KALRN: variants seen among roughly 807,000 people sequenced by gnomAD.
KALRN encodes kalirin RhoGEF kinase.
KALRN carries 70 observed loss-of-function variants against 353.7 expected under a neutral mutation model. The ratio of observed to expected loss-of-function variants is 0.20; its 90% CI spans 0.16 to 0.24. The LOEUF (loss-of-function observed/expected upper bound fraction) is 0.24. Among genes scored for constraint, KALRN ranks in the 10% least tolerant of loss-of-function variants. The pLI is 1.00. For synonymous variants in KALRN, 1,391 were observed against 1,434.8 expected, an observed-to-expected ratio of 0.97 and a Z score of 0.69; for missense variants, 2,791 against 3,756.7, an observed-to-expected ratio of 0.74 and a Z score of 6.72.
chr3:124,129,445 T>C (rs976879448), intron 1 of KALRN, among the ~76,000 whole-genome samples: 1 of 152,210 alleles, frequency 6.6e-6, no homozygotes, highest in East Asian at 1.9e-4. Context: ...CTTCTCACTT[T>C]ACCCACCCAA....
Position 124,183,920 on chromosome 3 carries a change from T to C in KALRN, c.74-44070T>C, listed in dbSNP as rs186364592. On this transcript the variant is annotated intron_variant, in intron 1 of 59. Transcript: ENST00000682506. ...AGATGGACCTGCTCCTTCAGAATCCTATAGGTCAAGAGAGATACAAACAAA... is the reference window on the plus strand; with the variant it reads ...AGATGGACCTGCTCCTTCAGAATCCCATAGGTCAAGAGAGATACAAACAAA... Among the ~76,000 whole-genome samples, 21 of 152,322 alleles carry C rather than the reference T, an allele frequency of 1.4e-4. No individual in the cohort carries two copies. The East Asian group carries it at 3.9e-3, about 28-fold the overall frequency.
At chr3:124,384,279 C>A (rs1260580608) in intron 10 of KALRN, among the ~76,000 whole-genome samples, 1 of 152,192 alleles carries the variant, frequency 6.6e-6, no homozygotes, top group Non-Finnish European at 1.5e-5. Flanking sequence ...AGGGAGTAGC[C>A]TGCATCTCCT....
intron 1 of KALRN, among the ~76,000 whole-genome samples, chr3:124,036,281 T>C (rs2039412046): frequency 6.6e-6 from 1 of 152,152 alleles, no homozygotes; most frequent in Non-Finnish European, 1.5e-5. Context: ...GTGTTTTCAT[T>C]GTTTAACTCT....
intron 9 of KALRN, among the ~76,000 whole-genome samples, chr3:124,337,628 G>C (rs577813696): frequency 1.3e-5 from 2 of 152,150 alleles, no homozygotes; most frequent in Non-Finnish European, 2.9e-5. Flanking sequence ...TCTCCGACAG[G>C]GTTTGGTATC....
Position 124,366,341 on chromosome 3 carries a change from G to A in KALRN, c.1771-18504G>A, listed in dbSNP as rs565827145. Among the ~76,000 whole-genome samples, 10 of 147,054 alleles carry A rather than the reference G, an allele frequency of 6.8e-5. No individual in the cohort carries two copies. In the East Asian group the frequency reaches 2.0e-3, roughly 29 times the overall value. ...AAGGTCTCTGGTTTTCCTAGGCAGA[G>A]GACCCTGCGGCCTTCCGCAGTGTTT... On this transcript the variant is annotated intron_variant, in intron 10 of 59. Transcript: ENST00000682506.
intron 1 of KALRN, among the ~76,000 whole-genome samples, chr3:124,145,417 A>T (rs1920615): frequency 0.28 from 42,255 of 152,092 alleles, 6,440 homozygotes; most frequent in East Asian, 0.47. Context: ...TGGGTCTGAG[A>T]TGTAGGAGTG....
At chr3:124,221,035 C>T (rs927219477) in intron 1 of KALRN, among the ~76,000 whole-genome samples, 13 of 152,326 alleles carry the variant, frequency 8.5e-5, no homozygotes, top group Admixed American at 7.2e-4. Flanking sequence ...TCGGAGTCTC[C>T]GAAGGCACTT....
chr3:124,254,148 G>A (rs2071570071), intron 3 of KALRN, among the ~76,000 whole-genome samples: 1 of 152,096 alleles, frequency 6.6e-6, no homozygotes. Context: ...GATACCCTGG[G>A]CCTCCAAGCC....
intron 25 of KALRN, among the ~76,000 whole-genome samples, chr3:124,470,364 G>A (rs2060764375): frequency 1.3e-5 from 2 of 152,128 alleles, no homozygotes; most frequent in Non-Finnish European, 2.9e-5. Context: ...GAAGTAAGTA[G>A]AATAATATGG....
chr3:124,192,335 T>C (rs1276633331), intron 1 of KALRN, among the ~76,000 whole-genome samples: 1 of 151,744 alleles, frequency 6.6e-6, no homozygotes, highest in African/African-American at 2.4e-5. Context: ...ACAATTAAAC[T>C]CATGAACATA....
chr3:124,226,149 C>T (rs2078476336), intron 1 of KALRN, among the ~76,000 whole-genome samples: 1 of 152,122 alleles, frequency 6.6e-6, no homozygotes, highest in Non-Finnish European at 1.5e-5. Flanking sequence ...CCTTGTCTAA[C>T]AGATAAAGCC....
rs978545608 is a variant in KALRN at position 124,722,435 on chromosome 3, A to G, written c.*2965A>G. The G allele has an allele frequency of 6.6e-6, 1 of 152,150 alleles. No homozygotes were observed. Among genetic ancestry groups the G allele is most frequent in the Non-Finnish European group, 1.5e-5 (1 of 68,038 alleles). The allele number at this position is 152,150 out of a possible 1,614,324, so 9.4% of individuals were successfully genotyped here. On this transcript the variant is annotated 3_prime_UTR_variant, in exon 60 of 60. Coordinates refer to ENST00000682506, the MANE Select transcript of KALRN (RefSeq NM_001388419.1). ...CATTAGACTAGAATGAACTTAATAGAGGCCCCAAGAGAAAGGGGGTATATT... is the reference window on the plus strand; with the variant it reads ...CATTAGACTAGAATGAACTTAATAGGGGCCCCAAGAGAAAGGGGGTATATT...
intron 1 of KALRN, among the ~76,000 whole-genome samples, chr3:124,150,928 G>A (rs1035961612): frequency 2.0e-5 from 3 of 152,124 alleles, no homozygotes; most frequent in African/African-American, 7.2e-5. Context: ...AGATTAGTTT[G>A]CCTGTTTTGA....
In KALRN at chr3:124,218,394, C is replaced by G. The variant is rs547939899; in HGVS notation, c.74-9596C>G. 4.6e-5 allele frequency among the ~76,000 whole-genome samples: 7 copies of G among 152,294 alleles called. No homozygotes were observed. The South Asian group carries it at 1.4e-3, about 32-fold the overall frequency. On this transcript the variant is annotated intron_variant, in intron 1 of 59. Transcript: ENST00000682506. ...ACAGCACACACCTTCTGCCCCTCGG[C>G]GCCTTTGTAACTCTCTCCAAATATA...
chr3:124,449,570 T>TTTTTCATTTTTTAC (rs1467763213), intron 21 of KALRN, among the ~76,000 whole-genome samples: 2 of 152,232 alleles, frequency 1.3e-5, no homozygotes, highest in Non-Finnish European at 2.9e-5. Flanking sequence ...GATTATCTTG[T>TTTTTCATTTTTTAC]TTTTCATTTT....
intron 57 of KALRN, among the ~76,000 whole-genome samples, chr3:124,706,730 C>T (rs928928248): frequency 2.0e-5 from 3 of 151,836 alleles, no homozygotes; most frequent in Admixed American, 1.3e-4. Context: ...CCACCATGCC[C>T]GGCTAATTTT....
intron 3 of KALRN, 26 bp downstream of exon 3, chr3:124,234,969 G>A (rs2079573499): frequency 6.5e-7 from 1 of 1,542,894 alleles, no homozygotes; most frequent in Non-Finnish European, 8.9e-7. Context: ...ATGGCCTGCA[G>A]GGGAGCGGGA....
intron 28 of KALRN, among the ~76,000 whole-genome samples, chr3:124,484,221 A>C (rs1005306253): frequency 2.6e-5 from 4 of 152,214 alleles, no homozygotes; most frequent in African/African-American, 9.7e-5. Context: ...CAGCCCATGG[A>C]ATCTCCCTGG....
chr3:124,265,221 T>G (rs966039181), intron 4 of KALRN, among the ~76,000 whole-genome samples: 2 of 151,890 alleles, frequency 1.3e-5, no homozygotes, highest in Non-Finnish European at 2.9e-5. Context: ...ATTCCTCTAC[T>G]GTGCTATTGA....
Sources: allele counts gnomAD v4.1 joint callset (sites outside exome capture counted in the v4.1 genomes callset), GRCh38; gene constraint gnomAD v4.1.1; transcripts MANE v1.5; gene names NCBI Gene and HGNC (gene_info 2026-07-23, HGNC 2026-07-21).